Variants in MFHAS1 observed in about 807,000 individuals in gnomAD.
The protein encoded by MFHAS1 is multifunctional ROCO family signaling regulator 1, also known as malignant fibrous histiocytoma-amplified sequence 1.
MFHAS1 carries 50 observed loss-of-function variants against 70.4 expected under a neutral mutation model. The ratio of observed to expected loss-of-function variants is 0.71; its 90% CI spans 0.57 to 0.90. The LOEUF (loss-of-function observed/expected upper bound fraction) is 0.90, where lower values mean the gene tolerates loss of function less well. Ranked by LOEUF, MFHAS1 falls within the 40% of genes least tolerant of loss-of-function variation. MFHAS1 has a pLI of 0.00. For synonymous variants in MFHAS1, 952 were observed against 620.0 expected, an observed-to-expected ratio of 1.54 and a Z score of -7.96; for missense variants, 1,795 against 1,347.6, an observed-to-expected ratio of 1.33 and a Z score of -5.20.
At position 8,891,473 on chromosome 8, in the gene MFHAS1, T is replaced by A. The variant is rs558634917; in HGVS notation, c.1586A>T (p.His529Leu). 2.4e-5 allele frequency: 39 copies of A among 1,612,958 alleles called. No individual in the cohort carries two copies. Among genetic ancestry groups the A allele is most frequent in the African/African-American group, 5.3e-5 (4 of 75,032 alleles). Residue 529 changes from histidine to leucine, a missense_variant, in exon 1 of 3, where the codon CAC becomes CTC. Physicochemically the swap from His to Leu is moderately conservative, Grantham distance 99. Coordinates refer to ENST00000276282, the MANE Select transcript of MFHAS1 (RefSeq NM_004225.3). The surrounding 1 kb of genome is among the most constrained non-coding windows in gnomAD (Gnocchi z 5.4). ...FLHRVGARVP[H>L]AVVCIVGTHA... ...GGTGCCCACGATGCACACCACCGCG[T>A]GGGGCACTCTCGCCCCGACCCGATG...
chr8:8,891,988 C>A lies in MFHAS1; in HGVS notation c.1071G>T (p.Leu357=). The A allele has an allele frequency of 6.2e-7, 1 of 1,613,186 alleles. No individual in the cohort carries two copies. ...LVLQGNQIAV[L]PDHFGQLSRV... is the part of the protein sequence containing the mutation. Reference sequence around the variant, plus strand: ...GGGAGAGCTGGCCAAAGTGGTCGGGCAGCACCGCGATCTGGTTCCCCTGCA... The same window carrying A: ...GGGAGAGCTGGCCAAAGTGGTCGGGAAGCACCGCGATCTGGTTCCCCTGCA... Residue 357 remains leucine (L), a synonymous_variant, in exon 1 of 3, where the codon CTG becomes CTT. Coordinates refer to ENST00000276282, the MANE Select transcript of MFHAS1 (RefSeq NM_004225.3). The surrounding 1 kb of genome is among the most constrained non-coding windows in gnomAD (Gnocchi z 5.4).
intron 1 of MFHAS1, among the ~76,000 whole-genome samples, chr8:8,837,622 G>A (rs3207382): frequency 1.1e-4 from 16 of 151,698 alleles, no homozygotes; most frequent in African/African-American, 2.7e-4. Context: ...CAGCCTGGGC[G>A]ACAGAGTGAG....
Position 8,890,729 on chromosome 8 carries a change from T to G in MFHAS1, c.2330A>C (p.Gln777Pro). Residue 777 changes from glutamine (Q) to proline (P), a missense_variant, in exon 1 of 3, where the codon CAG becomes CCG. By Grantham distance (76) the Gln-to-Pro change is moderately conservative. Coordinates refer to ENST00000276282, the MANE Select transcript of MFHAS1 (RefSeq NM_004225.3). Reference sequence around the variant, plus strand: ...GAGCTGGGTGGCCCGGAGCAGTTCCTGGCTGGGGGTGGACCGCGCCATGGG... The same window carrying G: ...GAGCTGGGTGGCCCGGAGCAGTTCCGGGCTGGGGGTGGACCGCGCCATGGG... ...SPPMARSTPSQELLRATQLHQ... is the reference protein window; with the variant it reads ...SPPMARSTPSPELLRATQLHQ... 6.2e-7 allele frequency: 1 copy of G among 1,613,716 alleles called. No individual in the cohort carries two copies. Among genetic ancestry groups the G allele is most frequent in the Non-Finnish European group, 8.5e-7 (1 of 1,179,788 alleles).
At chr8:8,824,540 CACACACACACACACACACACACACACA>C (rs1807084884) in intron 1 of MFHAS1, among the ~76,000 whole-genome samples, 1 of 51,896 alleles carries the variant, frequency 1.9e-5, no homozygotes, top group South Asian at 9.4e-4. Flanking sequence ...CACACACACA[CACACACACACACACACACACACACACA>C]CCCCTTTCTG....
intron 1 of MFHAS1, among the ~76,000 whole-genome samples, chr8:8,853,902 T>C (rs926846300): frequency 2.0e-5 from 3 of 152,234 alleles, no homozygotes; most frequent in Non-Finnish European, 4.4e-5. Flanking sequence ...GTAGGTTAAA[T>C]GGTCCATACT....
intron 1 of MFHAS1, among the ~76,000 whole-genome samples, chr8:8,846,506 A>G (rs996362588): frequency 1.3e-5 from 2 of 152,042 alleles, no homozygotes; most frequent in Non-Finnish European, 2.9e-5. Context: ...TATTCACCAC[A>G]CACTCTCCAG....
At chr8:8,801,792 C>G (rs1334342318) in intron 1 of MFHAS1, among the ~76,000 whole-genome samples, 2 of 152,064 alleles carry the variant, frequency 1.3e-5, no homozygotes, top group Admixed American at 6.6e-5. Context: ...ATGGAGGATC[C>G]CAGTGTCCAC....
intron 1 of MFHAS1, among the ~76,000 whole-genome samples, chr8:8,803,253 G>C (rs147808075): frequency 1.8e-3 from 269 of 152,232 alleles, no homozygotes; most frequent in Middle Eastern, 6.8e-3. Context: ...GCTCATGCCT[G>C]TAATACCAGC....
intron 1 of MFHAS1, among the ~76,000 whole-genome samples, chr8:8,809,522 C>G (rs566797638): frequency 2.0e-5 from 3 of 152,338 alleles, no homozygotes; most frequent in Non-Finnish European, 2.9e-5. Flanking sequence ...CCTCTTCCCG[C>G]CACTCACTCG....
At position 8,784,971 on chromosome 8, in the gene MFHAS1, T is replaced by A. The variant is rs188841943; in HGVS notation, c.*1051A>T. Reference sequence around the variant, plus strand: ...GTGGGATTATGCTCTCCAGTGAATGTAACTGGAGCCTAAATTCACAACCTT... The same window carrying A: ...GTGGGATTATGCTCTCCAGTGAATGAAACTGGAGCCTAAATTCACAACCTT... On this transcript the variant is annotated 3_prime_UTR_variant, in exon 3 of 3. Transcript: ENST00000276282. 1.3e-5 allele frequency: 2 copies of A among 152,176 alleles called. No individual in the cohort carries two copies. Among genetic ancestry groups the A allele is most frequent in the African/African-American group, 4.8e-5 (2 of 41,438 alleles). 9.4% of individuals were successfully genotyped at this position (152,176 alleles called of 1,614,324 possible).
intron 2 of MFHAS1, among the ~76,000 whole-genome samples, chr8:8,797,100 T>A (rs1055548569): frequency 6.8e-6 from 1 of 146,206 alleles, no homozygotes; most frequent in East Asian, 2.0e-4. Context: ...GGTATGTGAA[T>A]GACATCTCAA....
Position 8,887,970 on chromosome 8 carries a change from G to C in MFHAS1, c.2998+2091C>G, listed in dbSNP as rs554552993. Reference sequence around the variant, plus strand: ...TCTCCTTTTGTTGTTAATAACATTCGTTTTTATTACTTTGGATTAAGAATG... The same window carrying C: ...TCTCCTTTTGTTGTTAATAACATTCCTTTTTATTACTTTGGATTAAGAATG... On this transcript the variant is annotated intron_variant, in intron 1 of 2. Transcript: ENST00000276282. Among the ~76,000 whole-genome samples the C allele has an allele frequency of 5.9e-4, 89 of 151,378 alleles. 1 individual carries two copies. Among genetic ancestry groups the C allele is most frequent in the African/African-American group, 2.0e-3 (84 of 41,262 alleles).
intron 1 of MFHAS1, among the ~76,000 whole-genome samples, chr8:8,851,161 G>C (rs997891316): frequency 3.3e-5 from 5 of 152,160 alleles, no homozygotes; most frequent in African/African-American, 4.8e-5. Flanking sequence ...CCTAACCCTT[G>C]GTGGTTTTCA....
intron 1 of MFHAS1, among the ~76,000 whole-genome samples, chr8:8,883,789 T>A (rs930999003): frequency 9.6e-5 from 14 of 146,496 alleles, no homozygotes; most frequent in Non-Finnish European, 1.6e-4. Flanking sequence ...AAAACAGAAA[T>A]GTCCAATTCC....
Position 8,785,102 on chromosome 8 carries a change from G to C in MFHAS1, c.*920C>G, listed in dbSNP as rs963797751. ...AGGTACTTATTAAGCAGAGCACTTT[G>C]TAAGATTCAGAACTGACTCCTGATT... On this transcript the variant is annotated 3_prime_UTR_variant, in exon 3 of 3. Coordinates refer to ENST00000276282, the MANE Select transcript of MFHAS1 (RefSeq NM_004225.3). 1 of 152,178 alleles carries C rather than the reference G, an allele frequency of 6.6e-6. No homozygotes were observed. The highest frequency in any genetic ancestry group is 2.4e-5 in the African/African-American group (1 of 41,436). The allele number at this position is 152,178 out of a possible 1,614,324, so 9.4% of individuals were successfully genotyped here. A position where few individuals can be genotyped will look rare whatever the true frequency, so the allele number is the denominator to read the frequency against.
Position 8,891,150 on chromosome 8 carries a change from G to C in MFHAS1, c.1909C>G (p.Arg637Gly). Residue 637 changes from arginine to glycine, a missense_variant, in exon 1 of 3, where the codon CGC becomes GGC. Transcript: ENST00000276282. This position sits in a 1 kb window ranked among gnomAD's most constrained non-coding sequence, Gnocchi z 5.4. The part of the protein sequence containing the change: ...VSCRDPRHLR[R>G]LRDKLLSVAE... ...ACTGACAGCAACTTGTCCCGAAGGC[G>C]TCGTAAGTGGCGCGGGTCCCTGCAG... 7.4e-6 allele frequency: 12 copies of C among 1,613,642 alleles called. No homozygotes were observed. Among genetic ancestry groups the C allele is most frequent in the Non-Finnish European group, 1.0e-5 (12 of 1,180,044 alleles).
intron 2 of MFHAS1, among the ~76,000 whole-genome samples, chr8:8,796,892 A>T (rs1805921034): frequency 6.6e-6 from 1 of 151,058 alleles, no homozygotes; most frequent in African/African-American, 2.4e-5. Flanking sequence ...GCTACTCGGG[A>T]GGCTGAGGCA....
chr8:8,797,747 G>C (rs1010756499), intron 1 of MFHAS1, among the ~76,000 whole-genome samples: 1 of 152,172 alleles, frequency 6.6e-6, no homozygotes, highest in African/African-American at 2.4e-5. Flanking sequence ...GACAAAGACA[G>C]CATCTGTCAC....
chr8:8,893,098 G>A lies in MFHAS1; in HGVS notation c.-40C>T, dbSNP rs764833947. On this transcript the variant is annotated 5_prime_UTR_variant, in exon 1 of 3. Coordinates refer to ENST00000276282, the MANE Select transcript of MFHAS1 (RefSeq NM_004225.3). ...CCGACAGCCTCACGCGGACGCGGGAGCCCGCAGCTACATGCCGCGCCGCGC... is the reference window on the plus strand; with the variant it reads ...CCGACAGCCTCACGCGGACGCGGGAACCCGCAGCTACATGCCGCGCCGCGC... The A allele has an allele frequency of 1.1e-5, 15 of 1,388,714 alleles. No homozygotes were observed. In the African/African-American group the frequency reaches 1.2e-4, roughly 11 times the overall value. The allele number at this position is 1,388,714 out of a possible 1,614,324, so 86.0% of individuals were successfully genotyped here. A position where few individuals can be genotyped will look rare whatever the true frequency, so the allele number is the denominator to read the frequency against.
Sources: allele counts gnomAD v4.1 joint callset (sites outside exome capture counted in the v4.1 genomes callset), GRCh38; gene constraint gnomAD v4.1.1; non-coding constraint Gnocchi (gnomAD v3.1); transcripts MANE v1.5; gene names NCBI Gene and HGNC (gene_info 2026-07-23, HGNC 2026-07-21).